Variants in LRTM1 observed in about 807,000 individuals in gnomAD.
The protein encoded by LRTM1 is leucine rich repeat transmembrane protein 1, also known as leucine-rich repeat and transmembrane domain-containing protein 1.
LRTM1 carries 38 observed loss-of-function variants against 32.4 expected under a neutral mutation model. That is an observed-to-expected ratio of 1.17 (90% CI 0.91 to 1.54). LRTM1 has a LOEUF of 1.54. Ranked by LOEUF, LRTM1 falls within the 40% of genes most tolerant of loss-of-function variation. The pLI is 0.00. For missense variants in LRTM1, 466 were observed against 415.4 expected, an observed-to-expected ratio of 1.12 and a Z score of -1.06; for synonymous variants, 186 against 169.9, an observed-to-expected ratio of 1.09 and a Z score of -0.74.
chr3:54,921,093 G>A (rs1051698759), intron 2 of LRTM1, among the ~76,000 whole-genome samples: 4 of 152,166 alleles, frequency 2.6e-5, no homozygotes, highest in Non-Finnish European at 4.4e-5. Context: ...TACAGCTTGA[G>A]GGTCCCACAT....
intron 1 of LRTM1, among the ~76,000 whole-genome samples, chr3:54,948,857 C>G (rs925127029): frequency 6.6e-6 from 1 of 152,174 alleles, no homozygotes; most frequent in African/African-American, 2.4e-5. Flanking sequence ...CCACCAAACT[C>G]AGATTGGTTT....
intron 1 of LRTM1, among the ~76,000 whole-genome samples, chr3:54,966,547 C>T (rs1276393387): frequency 6.6e-6 from 1 of 152,198 alleles, no homozygotes; most frequent in Non-Finnish European, 1.5e-5. Flanking sequence ...AAGCCAGCCA[C>T]ATGGCTCACA....
At chr3:54,924,435 GA>G (rs1436529392) in intron 2 of LRTM1, among the ~76,000 whole-genome samples, 183 bp downstream of exon 2, 1 of 152,162 alleles carries the variant, frequency 6.6e-6, no homozygotes, top group Non-Finnish European at 1.5e-5. Flanking sequence ...TTTCGAACCT[GA>G]ATTTAAACAC....
chr3:54,966,130 G>A (rs1445948941), intron 1 of LRTM1, among the ~76,000 whole-genome samples: 4 of 152,022 alleles, frequency 2.6e-5, no homozygotes, highest in African/African-American at 9.7e-5. Context: ...ATCAGAGAAC[G>A]GGGGTGGGGG....
chr3:54,951,184 T>C (rs1157844440), intron 1 of LRTM1, among the ~76,000 whole-genome samples: 3 of 152,144 alleles, frequency 2.0e-5, no homozygotes, highest in Admixed American at 1.3e-4. Context: ...TACAAGATAA[T>C]ACAGAATAAA....
At chr3:54,964,409 AT>A (rs35654800) in intron 1 of LRTM1, among the ~76,000 whole-genome samples, 58,119 of 150,178 alleles carry the variant, frequency 0.39, 12,727 homozygotes, top group East Asian at 0.56. Flanking sequence ...AGGAATGGTG[AT>A]TTTTTTTTTT....
intron 1 of LRTM1, among the ~76,000 whole-genome samples, chr3:54,925,544 T>C (rs1700989982): frequency 6.6e-6 from 1 of 152,252 alleles, no homozygotes; most frequent in African/African-American, 2.4e-5. Flanking sequence ...ATATGCCGTT[T>C]GTAGGCCACA....
At chr3:54,938,904 C>T (rs574112002) in intron 1 of LRTM1, among the ~76,000 whole-genome samples, 3 of 151,984 alleles carry the variant, frequency 2.0e-5, no homozygotes, top group African/African-American at 4.8e-5. Flanking sequence ...CATGCTGTCC[C>T]GCTGAAGCTG....
chr3:54,940,457 C>T (rs997472779), intron 1 of LRTM1, among the ~76,000 whole-genome samples: 2 of 152,162 alleles, frequency 1.3e-5, no homozygotes, highest in African/African-American at 2.4e-5. Flanking sequence ...TATTAAGCTC[C>T]ACCAACATTT....
chr3:54,940,913 G>T (rs1455338183), intron 1 of LRTM1, among the ~76,000 whole-genome samples: 1 of 152,070 alleles, frequency 6.6e-6, no homozygotes, highest in Non-Finnish European at 1.5e-5. Flanking sequence ...AAAATAAATG[G>T]ATATAGCCAT....
chr3:54,926,074 AACTT>A (rs1701005468), intron 1 of LRTM1, among the ~76,000 whole-genome samples: 1 of 152,040 alleles, frequency 6.6e-6, no homozygotes, highest in African/African-American at 2.4e-5. Context: ...TATGCAGTTG[AACTT>A]ACTTTGATTC....
intron 1 of LRTM1, among the ~76,000 whole-genome samples, chr3:54,949,182 T>C (rs953911812): frequency 6.6e-6 from 1 of 152,174 alleles, no homozygotes; most frequent in African/African-American, 2.4e-5. Context: ...CTCCTTGATA[T>C]AGTTTTGGTC....
intron 2 of LRTM1, among the ~76,000 whole-genome samples, chr3:54,919,430 A>G (rs1185722204): frequency 1.3e-5 from 2 of 152,232 alleles, no homozygotes; most frequent in Non-Finnish European, 2.9e-5. Context: ...TGATCTGTGG[A>G]TTTGACAATA....
intron 1 of LRTM1, among the ~76,000 whole-genome samples, chr3:54,935,562 G>T (rs1575389846): frequency 6.6e-6 from 1 of 152,138 alleles, no homozygotes; most frequent in Non-Finnish European, 1.5e-5. Context: ...GGCTACTTTT[G>T]TCTGTGCCCC....
chr3:54,950,346 C>A (rs150704349), intron 1 of LRTM1, among the ~76,000 whole-genome samples: 1 of 152,118 alleles, frequency 6.6e-6, no homozygotes, highest in Non-Finnish European at 1.5e-5. Flanking sequence ...CTACAAAGGC[C>A]CCTTTTAATC....
intron 1 of LRTM1, among the ~76,000 whole-genome samples, chr3:54,949,451 A>G (rs1008903892): frequency 1.3e-5 from 2 of 152,178 alleles, no homozygotes; most frequent in Admixed American, 1.3e-4. Flanking sequence ...TATGAATCAC[A>G]TCAGGCAAGT....
At chr3:54,931,430 C>G (rs1288446486), upstream of LRTM1, among the ~76,000 whole-genome samples, 1 of 152,182 alleles carries the variant, frequency 6.6e-6, no homozygotes, top group African/African-American at 2.4e-5. Flanking sequence ...GATATGCATG[C>G]TAATGCTAGG....
chr3:54,930,368 A>G (rs1701153948), upstream of LRTM1, among the ~76,000 whole-genome samples: 1 of 152,224 alleles, frequency 6.6e-6, no homozygotes, highest in Non-Finnish European at 1.5e-5. Flanking sequence ...ATTCTGGTCA[A>G]AAAGCATAAA....
At chr3:54,946,363 CT>C (rs1249981773) in intron 1 of LRTM1, among the ~76,000 whole-genome samples, 1 of 152,158 alleles carries the variant, frequency 6.6e-6, no homozygotes, top group Non-Finnish European at 1.5e-5. Flanking sequence ...ATCTGTATGC[CT>C]TCAGAGATTT....
Sources: gnomAD v4.1 joint callset for allele counts (sites outside exome capture counted in the v4.1 genomes callset) on GRCh38, gnomAD v4.1.1 for gene constraint, MANE v1.5 for transcripts, NCBI Gene and HGNC (gene_info 2026-07-23, HGNC 2026-07-21) for gene names.